EDIL3: variants seen among roughly 807,000 people sequenced by gnomAD.
EDIL3 encodes EGF like and discoidin domains 3, also known as EGF-like repeat and discoidin I-like domain-containing protein 3.
EDIL3 carries 37 observed loss-of-function variants against 67.4 expected under a neutral mutation model. The ratio of observed to expected loss-of-function variants is 0.55; its 90% CI spans 0.42 to 0.72. EDIL3 has a LOEUF of 0.72. EDIL3 is among the 30% of genes least tolerant of loss of function. The pLI, the probability that EDIL3 is intolerant of heterozygous loss-of-function variation, is 0.00. For missense variants in EDIL3, 527 were observed against 586.3 expected, an observed-to-expected ratio of 0.90 and a Z score of 1.04; for synonymous variants, 195 against 196.3, an observed-to-expected ratio of 0.99 and a Z score of 0.05.
chr5:84,382,686 A>C (rs1328980412), intron 1 of EDIL3, among the ~76,000 whole-genome samples: 1 of 152,166 alleles, frequency 6.6e-6, no homozygotes, highest in Admixed American at 6.5e-5. Context: ...AAGGAAAAAC[A>C]GCAGCCGTGG....
intron 6 of EDIL3, among the ~76,000 whole-genome samples, chr5:84,075,867 CA>C (rs1746843798): frequency 1.4e-5 from 2 of 143,726 alleles, no homozygotes; most frequent in East Asian, 4.2e-4. Flanking sequence ...CCCCAAAGTA[CA>C]AACACGTGCA....
At chr5:84,297,933 T>C (rs1403154213) in intron 1 of EDIL3, among the ~76,000 whole-genome samples, 1 of 152,118 alleles carries the variant, frequency 6.6e-6, no homozygotes, top group Non-Finnish European at 1.5e-5. Flanking sequence ...TGGGCTTAGA[T>C]TATGGTGCAT....
intron 1 of EDIL3, among the ~76,000 whole-genome samples, chr5:84,339,355 A>G (rs1424164842): frequency 2.0e-5 from 3 of 152,144 alleles, no homozygotes; most frequent in African/African-American, 7.2e-5. Context: ...TAATGACAGC[A>G]TTATCAGCAC....
chr5:84,057,799 T>C (rs1400039413), intron 9 of EDIL3, among the ~76,000 whole-genome samples: 1 of 152,140 alleles, frequency 6.6e-6, no homozygotes, highest in African/African-American at 2.4e-5. Context: ...CATTTATTCA[T>C]TCAACAAATC....
chr5:84,210,186 C>A (rs1010879488), intron 3 of EDIL3, among the ~76,000 whole-genome samples: 2 of 152,116 alleles, frequency 1.3e-5, no homozygotes, highest in African/African-American at 4.8e-5. Flanking sequence ...TTGTTTTAAT[C>A]TACTATAGTA....
At chr5:84,069,619 T>C (rs1580310673) in intron 6 of EDIL3, among the ~76,000 whole-genome samples, 1 of 152,032 alleles carries the variant, frequency 6.6e-6, no homozygotes, top group Non-Finnish European at 1.5e-5. Flanking sequence ...CTTTAACCAC[T>C]CAATGCCAGA....
intron 9 of EDIL3, among the ~76,000 whole-genome samples, chr5:83,970,807 T>C (rs1432912105): frequency 6.6e-6 from 1 of 151,182 alleles, no homozygotes; most frequent in Non-Finnish European, 1.5e-5. Flanking sequence ...GTATTAATCA[T>C]CATCATCCAC....
chr5:84,059,742 T>C (rs532270661), intron 9 of EDIL3, among the ~76,000 whole-genome samples: 23 of 152,306 alleles, frequency 1.5e-4, no homozygotes, highest in Non-Finnish European at 2.9e-4. Flanking sequence ...TCATGAAGAT[T>C]GTTTTAAAAA....
intron 5 of EDIL3, among the ~76,000 whole-genome samples, chr5:84,131,853 T>A (rs1450753133): frequency 2.6e-5 from 4 of 152,166 alleles, no homozygotes; most frequent in Non-Finnish European, 4.4e-5. Flanking sequence ...TCATCATGTA[T>A]TTATCTCTAC....
At chr5:84,370,931 GCAT>G (rs1747829821) in intron 1 of EDIL3, among the ~76,000 whole-genome samples, 1 of 151,824 alleles carries the variant, frequency 6.6e-6, no homozygotes, top group Non-Finnish European at 1.5e-5. Context: ...ATGCATGCAT[GCAT>G]GCATAAAGTC....
At chr5:84,305,341 T>C (rs1746243564) in intron 1 of EDIL3, among the ~76,000 whole-genome samples, 2 of 152,344 alleles carry the variant, frequency 1.3e-5, no homozygotes, top group African/African-American at 4.8e-5. Flanking sequence ...GTGCAACTAG[T>C]TTCTGGACCT....
intron 1 of EDIL3, among the ~76,000 whole-genome samples, chr5:84,262,659 GTTTTTTTTTTTTTT>G (rs773035274): frequency 3.5e-4 from 16 of 46,318 alleles, no homozygotes; most frequent in South Asian, 1.5e-3. Flanking sequence ...AGGTTGGTTG[GTTTTTTTTTTTTTT>G]TTTTTTTTTT....
At chr5:84,196,198 A>T (rs556196263) in intron 3 of EDIL3, among the ~76,000 whole-genome samples, 16 of 152,142 alleles carry the variant, frequency 1.1e-4, no homozygotes, top group South Asian at 2.1e-4. Context: ...TTGCAAAAAA[A>T]ATATAAATGA....
intron 4 of EDIL3, among the ~76,000 whole-genome samples, chr5:84,165,521 A>G (rs1748689739): frequency 6.6e-6 from 1 of 152,116 alleles, no homozygotes; most frequent in Non-Finnish European, 1.5e-5. Context: ...TGAAGGATTC[A>G]CTGCCTAGGC....
intron 1 of EDIL3, among the ~76,000 whole-genome samples, chr5:84,315,738 C>A (rs1326668445): frequency 3.3e-5 from 5 of 152,066 alleles, no homozygotes; most frequent in African/African-American, 1.2e-4. Context: ...GGCCAATATT[C>A]AAATTCAGGA....
At chr5:84,232,393 T>C (rs1242302595) in intron 2 of EDIL3, among the ~76,000 whole-genome samples, 2 of 60,544 alleles carry the variant, frequency 3.3e-5, no homozygotes, top group African/African-American at 6.3e-5. Context: ...CCTAAAGAAG[T>C]GATGTCTAAG....
At chr5:84,093,209 C>G (rs1265184633) in intron 6 of EDIL3, among the ~76,000 whole-genome samples, 1 of 149,410 alleles carries the variant, frequency 6.7e-6, no homozygotes, top group Non-Finnish European at 1.5e-5. Flanking sequence ...GTTCAGTATT[C>G]CCTATTCTTC....
At chr5:84,131,525 C>G (rs1747966580) in intron 5 of EDIL3, among the ~76,000 whole-genome samples, 1 of 152,152 alleles carries the variant, frequency 6.6e-6, no homozygotes, top group Admixed American at 6.6e-5. Context: ...TCTGCAACTG[C>G]AATGCCTGGG....
intron 1 of EDIL3, among the ~76,000 whole-genome samples, chr5:84,293,860 C>T (rs1160784570): frequency 5.3e-5 from 8 of 151,180 alleles, no homozygotes; most frequent in African/African-American, 1.7e-4. Flanking sequence ...GTTTTATTCA[C>T]TTTTCTGTTT....
Sources: gnomAD v4.1 joint callset for allele counts (sites outside exome capture counted in the v4.1 genomes callset) on GRCh38, gnomAD v4.1.1 for gene constraint, MANE v1.5 for transcripts, NCBI Gene and HGNC (gene_info 2026-07-23, HGNC 2026-07-21) for gene names.